Variants in RALYL observed in about 807,000 individuals in gnomAD.
The protein encoded by RALYL is RALY RNA binding protein like, also known as RNA-binding Raly-like protein.
RALYL carries 29 observed loss-of-function variants against 35.1 expected under a neutral mutation model. The ratio of observed to expected loss-of-function variants is 0.83; its 90% confidence interval spans 0.61 to 1.13. The LOEUF is 1.13. Among genes scored for constraint, RALYL ranks in the 50% most tolerant of loss-of-function variants. RALYL has a pLI of 0.00. For synonymous variants in RALYL, 120 were observed against 127.6 expected, an observed-to-expected ratio of 0.94 and a Z score of 0.40; for missense variants, 359 against 360.4, an observed-to-expected ratio of 1.00 and a Z score of 0.03.
intron 1 of RALYL, among the ~76,000 whole-genome samples, chr8:84,493,849 A>T (rs1158703559): frequency 6.6e-6 from 1 of 152,056 alleles, no homozygotes; most frequent in Non-Finnish European, 1.5e-5. Flanking sequence ...CCTATTCTGT[A>T]GGTCACCTGT....
At chr8:84,767,284 T>C (rs114039255) in intron 2 of RALYL, among the ~76,000 whole-genome samples, 6 of 152,314 alleles carry the variant, frequency 3.9e-5, no homozygotes, top group Middle Eastern at 6.8e-3. Flanking sequence ...TTTATAGTTA[T>C]ATCTGTCACG....
intron 1 of RALYL, among the ~76,000 whole-genome samples, chr8:84,423,280 AT>A (rs2045906737): frequency 6.6e-6 from 1 of 151,474 alleles, no homozygotes; most frequent in Non-Finnish European, 1.5e-5. Flanking sequence ...TTCTTGTTGA[AT>A]TGATCCCTTT....
At chr8:84,359,156 G>A (rs761970852) in intron 1 of RALYL, among the ~76,000 whole-genome samples, 19 of 151,592 alleles carry the variant, frequency 1.3e-4, no homozygotes, top group Admixed American at 6.6e-4. Flanking sequence ...TTCACAGTAT[G>A]TAACCCTAAT....
At chr8:84,757,691 T>C (rs1811756267) in intron 2 of RALYL, among the ~76,000 whole-genome samples, 1 of 152,120 alleles carries the variant, frequency 6.6e-6, no homozygotes, top group Non-Finnish European at 1.5e-5. Flanking sequence ...ATATATTTGG[T>C]TAGCCAAAAC....
At chr8:84,711,869 C>G (rs1442344569) in intron 2 of RALYL, among the ~76,000 whole-genome samples, 2 of 151,998 alleles carry the variant, frequency 1.3e-5, no homozygotes, top group Non-Finnish European at 2.9e-5. Flanking sequence ...ATGTTGATAC[C>G]ATGATTTCTT....
At chr8:84,318,068 A>T (rs761164990) in intron 1 of RALYL, among the ~76,000 whole-genome samples, 2 of 152,098 alleles carry the variant, frequency 1.3e-5, no homozygotes, top group Non-Finnish European at 2.9e-5. Flanking sequence ...GTCTACCTTA[A>T]TTTACTATTA....
chr8:84,381,907 C>T (rs911058865), intron 1 of RALYL, among the ~76,000 whole-genome samples: 2 of 151,618 alleles, frequency 1.3e-5, no homozygotes, highest in African/African-American at 4.8e-5. Context: ...TATAATGAAT[C>T]TGTCCATAGG....
intron 2 of RALYL, among the ~76,000 whole-genome samples, chr8:84,695,446 A>C (rs888895775): frequency 6.6e-6 from 1 of 151,804 alleles, no homozygotes; most frequent in Non-Finnish European, 1.5e-5. Flanking sequence ...TCAAAACTAG[A>C]ACCATTATTT....
In RALYL at chr8:84,413,984, G is replaced by T. The variant is rs2044361814; in HGVS notation, c.-23-115315G>T. On this transcript the variant is annotated intron_variant, in intron 1 of 8. Transcript: ENST00000521268. The stretch of plus-strand genomic sequence containing the variant: ...TGAAAATCTCATTAGAGTATGCTAG[G>T]TTTTTTTCTAAGTAACCTCAGAACT... Among the ~76,000 whole-genome samples the T allele has an allele frequency of 3.3e-5, 5 of 152,048 alleles. No homozygotes were observed. The South Asian group carries it at 1.0e-3, about 32-fold the overall frequency.
chr8:84,774,452 G>A (rs1586149909), intron 2 of RALYL, 127 bp from the exon 3 acceptor site: 4 of 654,024 alleles, frequency 6.1e-6, no homozygotes, highest in African/African-American at 5.5e-5. Flanking sequence ...AACATATGTT[G>A]AATGAATCAA....
intron 1 of RALYL, among the ~76,000 whole-genome samples, chr8:84,320,553 C>T (rs1051701125): frequency 6.6e-6 from 1 of 151,898 alleles, no homozygotes; most frequent in Non-Finnish European, 1.5e-5. Context: ...GGCTACATAA[C>T]ACAATTAAAT....
chr8:84,400,725 G>A (rs72679316), intron 1 of RALYL, among the ~76,000 whole-genome samples: 12 of 152,248 alleles, frequency 7.9e-5, no homozygotes, highest in South Asian at 2.1e-4. Flanking sequence ...ATTTAAGGGC[G>A]AAAGAGATGT....
intron 1 of RALYL, among the ~76,000 whole-genome samples, chr8:84,227,226 A>G (rs1824142439): frequency 6.6e-6 from 1 of 151,428 alleles, no homozygotes; most frequent in Admixed American, 6.6e-5. Context: ...CACCTGGGTA[A>G]TTTTTGTATT....
At chr8:84,494,817 T>C (rs1198989496) in intron 1 of RALYL, among the ~76,000 whole-genome samples, 1 of 152,094 alleles carries the variant, frequency 6.6e-6, no homozygotes, top group African/African-American at 2.4e-5. Flanking sequence ...TGGAGTTTTC[T>C]AAATATAGGA....
chr8:84,501,024 A>G (rs1451595082), intron 1 of RALYL, among the ~76,000 whole-genome samples: 1 of 152,170 alleles, frequency 6.6e-6, no homozygotes, highest in Admixed American at 6.6e-5. Flanking sequence ...TTTGAGATTC[A>G]TGTTAATAAA....
At chr8:84,907,310 TCACACAC>T (rs1300777910) in intron 8 of RALYL, among the ~76,000 whole-genome samples, 3,120 of 148,046 alleles carry the variant, frequency 0.021, 68 homozygotes, top group East Asian at 0.079. Flanking sequence ...AGATATAGCG[TCACACAC>T]ACACACACAC....
chr8:84,619,371 T>A (rs370424200), intron 2 of RALYL, among the ~76,000 whole-genome samples: 2 of 150,548 alleles, frequency 1.3e-5, no homozygotes, highest in Non-Finnish European at 2.9e-5. Flanking sequence ...CTCTTTTGAT[T>A]TTTGTTGGTT....
intron 1 of RALYL, among the ~76,000 whole-genome samples, chr8:84,480,843 T>A (rs1413172683): frequency 2.0e-5 from 3 of 152,152 alleles, no homozygotes; most frequent in African/African-American, 4.8e-5. Context: ...ATATTTGTTG[T>A]AATTAATTTT....
At chr8:84,358,490 A>C (rs921686817) in intron 1 of RALYL, among the ~76,000 whole-genome samples, 1 of 152,018 alleles carries the variant, frequency 6.6e-6, no homozygotes, top group African/African-American at 2.4e-5. Context: ...GTTTCAGATA[A>C]GGGAATATAA....
Sources: allele counts gnomAD v4.1 joint callset (sites outside exome capture counted in the v4.1 genomes callset), GRCh38; gene constraint gnomAD v4.1.1; transcripts MANE v1.5; gene names NCBI Gene and HGNC (gene_info 2026-07-23, HGNC 2026-07-21).